The following SPTA1 variants were observed in gnomAD, a reference collection of about 807,000 sequenced individuals.
SPTA1 encodes spectrin alpha, erythrocytic 1, also known as spectrin alpha chain, erythrocytic 1.
SPTA1 carries 177 observed loss-of-function variants against 324.7 expected under a neutral mutation model. The observed-to-expected ratio is 0.55, with a 90% CI of 0.48 to 0.62. The LOEUF (loss-of-function observed/expected upper bound fraction) is 0.62. Among genes scored for constraint, SPTA1 ranks in the 20% least tolerant of loss-of-function variants. SPTA1 has a pLI of 0.00. For synonymous variants in SPTA1, 1,195 were observed against 1,041.3 expected, an observed-to-expected ratio of 1.15 and a Z score of -2.84; for missense variants, 3,162 against 2,883.6, an observed-to-expected ratio of 1.10 and a Z score of -2.21.
chr1:158,649,658 A>C (rs899520816), intron 25 of SPTA1, among the ~76,000 whole-genome samples, 198 bp downstream of exon 25: 3 of 152,248 alleles, frequency 2.0e-5, no homozygotes, highest in Non-Finnish European at 4.4e-5. Context: ...CCTAGGCTTT[A>C]GAAAATTGAA....
Position 158,677,770 on chromosome 1 carries a change from C to A in SPTA1, c.877G>T (p.Gly293Cys). The stretch of plus-strand genomic sequence containing the variant: ...CCTTCAGAGGCAACAAGGTCTTTGC[C>A]ATAGTCCTCAGAGGTGAGTACAGGT... Reference protein sequence around the residue: ...KEPVLTSEDYGKDLVASEGLF... With the variant: ...KEPVLTSEDYCKDLVASEGLF... The change falls in exon 7 of 52, where the codon GGC becomes TGC. Residue 293 changes from glycine to cysteine, a missense_variant. Transcript: ENST00000643759. 6.2e-7 allele frequency: 1 copy of A among 1,613,706 alleles called. No homozygotes were observed. Among genetic ancestry groups the A allele is most frequent in the Non-Finnish European group, 8.5e-7 (1 of 1,179,772 alleles).
chr1:158,664,511 C>T (rs1281996143), intron 16 of SPTA1, among the ~76,000 whole-genome samples: 2 of 152,102 alleles, frequency 1.3e-5, no homozygotes, highest in African/African-American at 4.8e-5. Flanking sequence ...GGGAACATCA[C>T]ACACCGGGGC....
chr1:158,663,867 T>TA (rs972351668), intron 16 of SPTA1, among the ~76,000 whole-genome samples: 3 of 152,020 alleles, frequency 2.0e-5, no homozygotes, highest in East Asian at 1.9e-4. Flanking sequence ...AGTATAATAA[T>TA]AAAAAAAGAA....
At chr1:158,682,265 T>G (rs1654868564) in intron 3 of SPTA1, among the ~76,000 whole-genome samples, 1 of 152,204 alleles carries the variant, frequency 6.6e-6, no homozygotes, top group African/African-American at 2.4e-5. Flanking sequence ...TGTCATATCT[T>G]CAAGAATCTT....
rs560479426 is a variant in SPTA1 at position 158,642,444 on chromosome 1, A to G, written c.4704T>C (p.Cys1568=). Residue 1568 remains cysteine (C), a synonymous_variant, in exon 33 of 52, where the codon TGT becomes TGC. Coordinates refer to ENST00000643759, the MANE Select transcript of SPTA1 (RefSeq NM_003126.4). ...VINLGNSLIE[C]SACDGNEEAM... ...CCTCTTCATTGCCATCACAAGCGCT[A>G]CACTCAATCAGGGAGTTCCCCAGGT... 1 of 1,613,652 alleles carries G rather than the reference A, an allele frequency of 6.2e-7. No homozygotes were observed. Among genetic ancestry groups the G allele is most frequent in the African/African-American group, 1.3e-5 (1 of 74,998 alleles).
At position 158,654,654 on chromosome 1, in the gene SPTA1, A is replaced by T. The variant is rs758709393; in HGVS notation, c.2993T>A (p.Met998Lys). 6.2e-7 allele frequency: 1 copy of T among 1,613,918 alleles called. No individual in the cohort carries two copies. Among genetic ancestry groups the T allele is most frequent in the Non-Finnish European group, 8.5e-7 (1 of 1,179,984 alleles). ...FQARSPREVT[M>K]KKGDVLTLLS... ...CAGCGTTAAGACATCACCTTTCTTC[A>T]TGGTGACTTCTCGGGGGCTGCGGGC... The change falls in exon 21 of 52, where the codon ATG becomes AAG. Residue 998 changes from methionine to lysine, a missense_variant. Coordinates refer to ENST00000643759, the MANE Select transcript of SPTA1 (RefSeq NM_003126.4).
chr1:158,662,296 G>A (rs555276565), intron 17 of SPTA1, among the ~76,000 whole-genome samples: 1 of 152,282 alleles, frequency 6.6e-6, no homozygotes, highest in South Asian at 2.1e-4. Context: ...AGGACAGTAT[G>A]TGCTTTATCT....
In SPTA1 at chr1:158,622,807, T is replaced by A. The variant is rs183954103; in HGVS notation, c.6120+176A>T. 1,370 of 635,898 alleles carry A rather than the reference T, an allele frequency of 2.2e-3. 28 individuals carry two copies. The Admixed American group carries it at 0.037, about 17-fold the overall frequency. 39.4% of individuals were successfully genotyped at this position (635,898 alleles called of 1,614,324 possible). ...AACTAATCAATCAATCTAAAAAAAA[T>A]TTTTAAAGCTTCTTTTCAATCTACT... is the stretch of plus-strand genomic sequence containing the variant. On this transcript the variant is annotated intron_variant, in intron 43 of 51. Transcript: ENST00000643759.
At chr1:158,622,451 C>T (rs1392597703) in intron 43 of SPTA1, among the ~76,000 whole-genome samples, 1 of 151,930 alleles carries the variant, frequency 6.6e-6, no homozygotes, top group Non-Finnish European at 1.5e-5. Context: ...GGAATTATTA[C>T]ACTTTTAGAT....
chr1:158,622,775 G>C (rs903852805), intron 43 of SPTA1: 10 of 535,090 alleles, frequency 1.9e-5, no homozygotes, highest in Admixed American at 6.2e-5. Context: ...TCTCAAGTTA[G>C]TTATGCAACT....
intron 12 of SPTA1, among the ~76,000 whole-genome samples, chr1:158,670,601 G>A (rs912866592): frequency 3.3e-5 from 5 of 152,142 alleles, no homozygotes; most frequent in African/African-American, 1.2e-4. Context: ...TGGTGTTAAA[G>A]TCAGCATCAT....
At position 158,651,372 on chromosome 1, in the gene SPTA1, G is replaced by C; in HGVS notation, c.3472C>G (p.Arg1158Gly). The stretch of plus-strand genomic sequence containing the variant: ...ATGGAGGGAGCCTTAGTTACCTGCC[G>C]GATTTGAGCTCCTTCTGGTGTTAGA... ...GLLTPEGAQI[R>G]QELNSRWGSL... Residue 1158 changes from arginine to glycine, a missense_variant, in exon 24 of 52, where the codon CGG becomes GGG. Physicochemically the swap from Arg to Gly is moderately radical, Grantham distance 125. Transcript: ENST00000643759. 6.2e-7 allele frequency: 1 copy of C among 1,612,036 alleles called. No homozygotes were observed. The highest frequency in any genetic ancestry group is 8.5e-7 in the Non-Finnish European group (1 of 1,178,206).
intron 47 of SPTA1, among the ~76,000 whole-genome samples, chr1:158,616,993 GA>G (rs1330965837): frequency 6.6e-6 from 1 of 150,938 alleles, no homozygotes; most frequent in East Asian, 1.9e-4. Flanking sequence ...TTTTTTGTTA[GA>G]AAAAAATTAA....
Position 158,620,202 on chromosome 1 carries a change from T to G in SPTA1, c.6385A>C (p.Arg2129=). The G allele has an allele frequency of 3.1e-6, 5 of 1,614,158 alleles. No individual in the cohort carries two copies. Among genetic ancestry groups the G allele is most frequent in the Non-Finnish European group, 4.2e-6 (5 of 1,180,020 alleles). ...ATGTCAGATAGGTGCTTCCAGGTCC[T>G]TTCCAGCACCTCCACTGTTAACCAG... ...YTWLTVEVLE[R]TWKHLSDIIE... The change falls in exon 44 of 52, where the codon AGG becomes CGG. Residue 2129 remains arginine (R), a synonymous_variant. Transcript: ENST00000643759.
chr1:158,626,570 T>C (rs1488698265), intron 41 of SPTA1, among the ~76,000 whole-genome samples: 1 of 152,188 alleles, frequency 6.6e-6, no homozygotes, highest in Non-Finnish European at 1.5e-5. Context: ...ACACAAAATC[T>C]CCAATTCTCC....
rs41273533 is a variant in SPTA1 at position 158,685,339 on chromosome 1, C to G, written c.33G>C (p.Glu11Asp). ...TTTCCAAAACCTTTGGCCCACTGCT[C>G]TCCACAACCTGCAAGTTAAAAAGAT... MEQFPKETVV[E>D]SSGPKVLETA... is the part of the protein sequence containing the mutation. The change falls in exon 2 of 52, where the codon GAG (glutamate) becomes GAC (aspartate). Residue 11 changes from glutamate (E) to aspartate (D), a missense_variant. Physicochemically the swap from Glu to Asp is conservative, Grantham distance 45. Transcript: ENST00000643759. 7,279 of 1,613,346 alleles carry G rather than the reference C, an allele frequency of 4.5e-3. 28 individuals are homozygous for G. The highest frequency in any genetic ancestry group is 5.4e-3 in the Non-Finnish European group (6,410 of 1,179,778).
Position 158,654,014 on chromosome 1 carries a change from A to G in SPTA1, c.3037-589T>C, listed in dbSNP as rs118009494. On this transcript the variant is annotated intron_variant, in intron 21 of 51. Transcript: ENST00000643759. ...GATAATGAAACATCTGCCGCTCCAA[A>G]CATTTACTTGTCTTTGGAATAACTA... 4.2e-4 allele frequency among the ~76,000 whole-genome samples: 64 copies of G among 152,354 alleles called. 1 individual carries two copies. The East Asian group carries it at 0.011, about 25-fold the overall frequency.
At chr1:158,639,835 A>C in intron 34 of SPTA1, 35 bp downstream of exon 34, 5 of 1,613,434 alleles carry the variant, frequency 3.1e-6, no homozygotes, top group Non-Finnish European at 4.2e-6. Flanking sequence ...TATGTATTAA[A>C]CTCTTGTGTC....
rs374453913 is a variant in SPTA1 at position 158,669,509 on chromosome 1, G to T, written c.1732C>A (p.Leu578Met). 3 of 1,614,126 alleles carry T rather than the reference G, an allele frequency of 1.9e-6. No homozygotes were observed. The highest frequency in any genetic ancestry group is 2.5e-6 in the Non-Finnish European group (3 of 1,180,006). ...TTTTGCAGAAGCAATGACTCCTTCA[G>T]CAATCTACGTCTAGTGGCAGCCTTT... ...REKAATRRRL[L>M]KESLLLQKLY... The change falls in exon 14 of 52, where the codon CTG becomes ATG. Residue 578 changes from leucine (L) to methionine (M), a missense_variant. By Grantham distance (15) the Leu-to-Met change is conservative. Transcript: ENST00000643759.
Sources: allele counts gnomAD v4.1 joint callset (sites outside exome capture counted in the v4.1 genomes callset), GRCh38; gene constraint gnomAD v4.1.1; transcripts MANE v1.5; gene names NCBI Gene and HGNC (gene_info 2026-07-23, HGNC 2026-07-21).